Variants in SH2B3 observed in about 807,000 individuals in gnomAD.
The protein encoded by SH2B3 is SH2B adaptor protein 3.
In SH2B3, 43 loss-of-function variants were observed where a neutral mutation model predicts 51.9. That is an observed-to-expected ratio of 0.83 (90% CI 0.65 to 1.07). The LOEUF (loss-of-function observed/expected upper bound fraction) is 1.07, where lower values mean the gene tolerates loss of function less well. Ranked by LOEUF, SH2B3 falls within the 50% of genes least tolerant of loss-of-function variation. The pLI is 0.00. For synonymous variants in SH2B3, 396 were observed against 376.0 expected (o/e 1.05, Z -0.62); for missense variants, 952 against 834.3 (o/e 1.14, Z -1.74).
At chr12:111,422,920 C>A (rs761630338) in intron 2 of SH2B3, among the ~76,000 whole-genome samples, 1 of 152,148 alleles carries the variant, frequency 6.6e-6, no homozygotes, top group Non-Finnish European at 1.5e-5. Context: ...TGGTCTTGAA[C>A]TCCTGACCTC....
Position 111,448,630 on chromosome 12 carries a change from A to C in SH2B3, c.*328A>C, listed in dbSNP as rs2135626648. The stretch of plus-strand genomic sequence containing the variant: ...GGTGAGGGCCAGAGCTGGCAGTGGA[A>C]ACTTGTTCTCTTTTTCACTGACACT... On this transcript the variant is annotated 3_prime_UTR_variant, in exon 8 of 8. Coordinates refer to ENST00000341259, the MANE Select transcript of SH2B3 (RefSeq NM_005475.3). The C allele has an allele frequency of 3.6e-6, 1 of 274,488 alleles. No individual in the cohort carries two copies. The highest frequency in any genetic ancestry group is 6.7e-5 in the South Asian group (1 of 14,838). The allele number at this position is 274,488 out of a possible 1,614,324, so 17.0% of individuals were successfully genotyped here.
intron 1 of SH2B3, among the ~76,000 whole-genome samples, chr12:111,408,132 C>G (rs941823839): frequency 6.6e-6 from 1 of 152,178 alleles, no homozygotes; most frequent in Non-Finnish European, 1.5e-5. Flanking sequence ...ATACATAGCA[C>G]TGGAATTTCC....
chr12:111,419,375 G>A (rs1871359223), intron 2 of SH2B3, among the ~76,000 whole-genome samples: 3 of 152,214 alleles, frequency 2.0e-5, no homozygotes, highest in Admixed American at 1.3e-4. Flanking sequence ...AGTGGGTCAC[G>A]CCTGTAACCC....
At chr12:111,426,044 T>G (rs1279056240) in intron 2 of SH2B3, among the ~76,000 whole-genome samples, 2 of 152,212 alleles carry the variant, frequency 1.3e-5, no homozygotes, top group African/African-American at 4.8e-5. Context: ...TTAGGTTTGA[T>G]GGAGCAGGGA....
rs188690380 is a variant in SH2B3 at position 111,428,382 on chromosome 12, C to T, written c.732+9505C>T. On this transcript the variant is annotated intron_variant, in intron 2 of 7. Transcript: ENST00000341259. Reference sequence around the variant, plus strand: ...GGTCTGGGTAGGAGTGGCTGCGACTCGGGGGTAAATGTGCTTCAGAGCCAT... The same window carrying T: ...GGTCTGGGTAGGAGTGGCTGCGACTTGGGGGTAAATGTGCTTCAGAGCCAT... 4.8e-3 allele frequency among the ~76,000 whole-genome samples: 730 copies of T among 152,288 alleles called. 2 individuals carry two copies. The highest frequency in any genetic ancestry group is 7.3e-3 in the Non-Finnish European group (495 of 68,026).
At chr12:111,421,023 TGCCTCCCCCAG>T (rs1871508491) in intron 2 of SH2B3, among the ~76,000 whole-genome samples, 1 of 152,226 alleles carries the variant, frequency 6.6e-6, no homozygotes, top group Non-Finnish European at 1.5e-5. Flanking sequence ...GGCTCCTTCA[TGCCTCCCCCAG>T]GCCAGTGCCC....
intron 2 of SH2B3, among the ~76,000 whole-genome samples, chr12:111,426,726 C>G (rs895219334): frequency 1.6e-4 from 25 of 152,188 alleles, no homozygotes; most frequent in Admixed American, 4.6e-4. Context: ...ATGTGTGCCT[C>G]TGTGTGCCAG....
intron 2 of SH2B3, among the ~76,000 whole-genome samples, chr12:111,431,086 C>T (rs1872451326): frequency 6.6e-6 from 1 of 152,188 alleles, no homozygotes. Context: ...CTTTCTGGGG[C>T]CCCATACCCC....
intron 2 of SH2B3, chr12:111,444,891 G>C: frequency 1.0e-6 from 1 of 985,638 alleles, no homozygotes. Context: ...CTGATACTTG[G>C]CAGGCTTGGG....
intron 1 of SH2B3, among the ~76,000 whole-genome samples, chr12:111,416,323 C>G (rs1191808050): frequency 6.6e-6 from 1 of 152,156 alleles, no homozygotes; most frequent in Non-Finnish European, 1.5e-5. Flanking sequence ...CTTTATGAAG[C>G]ATTTTCTACG....
chr12:111,408,009 G>A (rs1413362677), intron 1 of SH2B3, among the ~76,000 whole-genome samples: 1 of 152,194 alleles, frequency 6.6e-6, no homozygotes, highest in Non-Finnish European at 1.5e-5. Flanking sequence ...GCAAAGAGAG[G>A]TTCAGTTGCA....
chr12:111,411,253 G>C (rs1870674081), intron 1 of SH2B3, among the ~76,000 whole-genome samples: 3 of 149,424 alleles, frequency 2.0e-5, no homozygotes, highest in Admixed American at 2.0e-4. Context: ...TGTGGTCCCA[G>C]ATACTTGGAA....
At chr12:111,419,810 G>T (rs959705789) in intron 2 of SH2B3, among the ~76,000 whole-genome samples, 20 of 152,200 alleles carry the variant, frequency 1.3e-4, no homozygotes, top group African/African-American at 4.3e-4. Flanking sequence ...TGTTCCTTTG[G>T]CTTTGCCAGT....
In SH2B3 at chr12:111,429,927, G is replaced by A. The variant is rs1872327157; in HGVS notation, c.732+11050G>A. On this transcript the variant is annotated intron_variant, in intron 2 of 7. Transcript: ENST00000341259. This position sits in a 1 kb window ranked among gnomAD's most constrained non-coding sequence, Gnocchi z 4.4. ...CACCCACCCTCCACCGTCAGAACGAGCCTGTATCCCGGCAAGCAGGGCAGA... is the reference window on the plus strand; with the variant it reads ...CACCCACCCTCCACCGTCAGAACGAACCTGTATCCCGGCAAGCAGGGCAGA... Among the ~76,000 whole-genome samples the A allele has an allele frequency of 6.6e-6, 1 of 152,208 alleles. No homozygotes were observed. The highest frequency in any genetic ancestry group is 1.5e-5 in the Non-Finnish European group (1 of 68,038).
At chr12:111,413,611 G>C (rs1565965703) in intron 1 of SH2B3, among the ~76,000 whole-genome samples, 1 of 152,226 alleles carries the variant, frequency 6.6e-6, no homozygotes. Flanking sequence ...ATACAGGACT[G>C]TGCGGAAGGT....
At chr12:111,417,672 G>T (rs1259084452) in intron 1 of SH2B3, among the ~76,000 whole-genome samples, 4 of 151,850 alleles carry the variant, frequency 2.6e-5, no homozygotes, top group Non-Finnish European at 5.9e-5. Flanking sequence ...GCCCAGGCTG[G>T]TCTCAAACTC....
chr12:111,426,301 GT>G (rs1361035147), intron 2 of SH2B3, among the ~76,000 whole-genome samples: 1 of 152,060 alleles, frequency 6.6e-6, no homozygotes, highest in African/African-American at 2.4e-5. Context: ...ATATTTCTAG[GT>G]TTTATGGCTG....
At chr12:111,444,197 A>G (rs1306416752) in intron 2 of SH2B3, 1 of 152,222 alleles carries the variant, frequency 6.6e-6, no homozygotes, top group Non-Finnish European at 1.5e-5. Context: ...TCTGTCTCAA[A>G]AAACAAAAAC....
intron 2 of SH2B3, among the ~76,000 whole-genome samples, chr12:111,433,747 A>G (rs570023401): frequency 1.3e-5 from 2 of 152,174 alleles, no homozygotes; most frequent in South Asian, 4.1e-4. Context: ...TTTTCACTAC[A>G]CTACGTGATG....
Sources: gnomAD v4.1 joint callset for allele counts (sites outside exome capture counted in the v4.1 genomes callset) on GRCh38, gnomAD v4.1.1 for gene constraint, Gnocchi (gnomAD v3.1) non-coding constraint, MANE v1.5 for transcripts, NCBI Gene and HGNC (gene_info 2026-07-23, HGNC 2026-07-21) for gene names.